The following ZBBX variants were observed in gnomAD, a reference collection of about 807,000 sequenced individuals.
The protein encoded by ZBBX is zinc finger B-box domain-containing protein 1.
ZBBX carries 101 observed loss-of-function variants against 108.5 expected under a neutral mutation model. The observed-to-expected ratio is 0.93, with a 90% CI of 0.79 to 1.10. ZBBX has a LOEUF of 1.10. ZBBX is among the 50% of genes least tolerant of loss of function. ZBBX has a pLI of 0.00. For synonymous variants in ZBBX, 356 were observed against 323.4 expected, an observed-to-expected ratio of 1.10 and a Z score of -1.08; for missense variants, 1,009 against 941.4, an observed-to-expected ratio of 1.07 and a Z score of -0.94.
upstream of ZBBX, among the ~76,000 whole-genome samples, chr3:167,383,841 C>A (rs988551113): frequency 3.3e-5 from 5 of 152,020 alleles, no homozygotes; most frequent in African/African-American, 1.2e-4. Flanking sequence ...CCGTCTCTGT[C>A]CTTGAGTAAT....
chr3:167,282,514 A>T lies in ZBBX; in HGVS notation c.1997-19T>A. 6.3e-7 allele frequency: 1 copy of T among 1,585,186 alleles called. No homozygotes were observed. The highest frequency in any genetic ancestry group is 2.2e-5 in the East Asian group (1 of 44,668). On this transcript the variant is annotated intron_variant, in intron 19 of 21. Coordinates refer to ENST00000675490, the MANE Select transcript of ZBBX (RefSeq NM_001199201.2). Reference sequence around the variant, plus strand: ...TTCTGACCTAAAATTAAAAGTAAAAAGTTTTTAAATCAACTTTTAAAAATT... The same window carrying T: ...TTCTGACCTAAAATTAAAAGTAAAATGTTTTTAAATCAACTTTTAAAAATT...
At chr3:167,351,124 C>G (rs1204607748) in intron 8 of ZBBX, among the ~76,000 whole-genome samples, 1 of 151,496 alleles carries the variant, frequency 6.6e-6, no homozygotes, top group Non-Finnish European at 1.5e-5. Flanking sequence ...CTAGATGGAA[C>G]TACATTACCA....
chr3:167,350,579 T>C lies in ZBBX; in HGVS notation c.433-64A>G, dbSNP rs138375349. The C allele has an allele frequency of 7.6e-4, 911 of 1,194,880 alleles. 7 individuals are homozygous for C. The African/African-American group carries it at 0.01, about 13-fold the overall frequency. 74.0% of individuals were successfully genotyped at this position (1,194,880 alleles called of 1,614,324 possible). ...AAATAGTATGATTTTTAGAAAGTGT[T>C]TGCATAAAGATGTCTTGTTTTTTAA... On this transcript the variant is annotated intron_variant, in intron 8 of 21. Transcript: ENST00000675490.
chr3:167,402,195 G>A (rs534659164), intron 1 of ZBBX, among the ~76,000 whole-genome samples: 1 of 152,284 alleles, frequency 6.6e-6, no homozygotes, highest in South Asian at 2.1e-4. Context: ...TGAAATTGAA[G>A]TAAGAACTGA....
At chr3:167,398,539 C>T (rs1181929293) in intron 1 of ZBBX, among the ~76,000 whole-genome samples, 5 of 151,710 alleles carry the variant, frequency 3.3e-5, no homozygotes, top group Non-Finnish European at 7.4e-5. Context: ...TTTTCTATAC[C>T]TAGTGAATTT....
chr3:167,323,244 G>T (rs1045056730), intron 11 of ZBBX, among the ~76,000 whole-genome samples: 11 of 142,540 alleles, frequency 7.7e-5, no homozygotes, highest in South Asian at 2.2e-4. Flanking sequence ...AAAGAGGGGG[G>T]GGGGGGAAAG....
At chr3:167,191,854 T>C in the ZBBX span, among the ~76,000 whole-genome samples, 1 of 143,626 alleles carries the variant, frequency 7.0e-6, no homozygotes. Context: ...TTCATTTTAG[T>C]GAATGTTTTT....
At chr3:167,373,047 C>G (rs1746393043) in intron 3 of ZBBX, 97 bp from the exon 4 acceptor site, 1 of 554,552 alleles carries the variant, frequency 1.8e-6, no homozygotes, top group East Asian at 3.1e-5. Flanking sequence ...TTTTTAAAAC[C>G]TTATGAGCAA....
chr3:167,371,163 C>G (rs1183938247), intron 4 of ZBBX, among the ~76,000 whole-genome samples: 1 of 152,144 alleles, frequency 6.6e-6, no homozygotes, highest in African/African-American at 2.4e-5. Context: ...ACGTACAGGC[C>G]AGGGAATAGT....
rs539270793 is a variant in ZBBX, at chr3:167,274,105, A to G, written c.2254+8133T>C. Among the ~76,000 whole-genome samples, 29 of 152,328 alleles carry G rather than the reference A, an allele frequency of 1.9e-4. No individual in the cohort carries two copies. In the South Asian group the frequency reaches 6.0e-3, roughly 32 times the overall value. Reference sequence around the variant, plus strand: ...GAGTTTGTATTATGATCAAAACCCAATGTTGTACCTTTATCCCAAACAATA... The same window carrying G: ...GAGTTTGTATTATGATCAAAACCCAGTGTTGTACCTTTATCCCAAACAATA... On this transcript the variant is annotated intron_variant, in intron 20 of 21. Transcript: ENST00000675490.
upstream of ZBBX, among the ~76,000 whole-genome samples, chr3:167,383,202 C>A (rs1040497658): frequency 6.6e-6 from 1 of 152,064 alleles, no homozygotes; most frequent in African/African-American, 2.4e-5. Context: ...CTCTTTGGCC[C>A]TTCAGATTCT....
intron 19 of ZBBX, among the ~76,000 whole-genome samples, chr3:167,287,469 T>C (rs1034205867): frequency 5.9e-5 from 9 of 152,112 alleles, no homozygotes; most frequent in African/African-American, 1.9e-4. Flanking sequence ...ACAGCGACTT[T>C]TGAGAAAATT....
intron 1 of ZBBX, among the ~76,000 whole-genome samples, chr3:167,403,723 T>C (rs773012755): frequency 8.6e-5 from 13 of 152,034 alleles, no homozygotes; most frequent in Non-Finnish European, 7.4e-5. Context: ...TAATTCAGTA[T>C]AGAATATGGT....
At chr3:167,337,544 T>C (rs978153934) in intron 9 of ZBBX, among the ~76,000 whole-genome samples, 1 of 151,886 alleles carries the variant, frequency 6.6e-6, no homozygotes, top group Non-Finnish European at 1.5e-5. Flanking sequence ...ATCTAGGACA[T>C]TGTCACACTC....
At chr3:167,396,904 T>C (rs2108640385) in intron 1 of ZBBX, among the ~76,000 whole-genome samples, 1 of 151,856 alleles carries the variant, frequency 6.6e-6, no homozygotes, top group East Asian at 1.9e-4. Context: ...TGTTTTTCCT[T>C]TTCACAGGTC....
upstream of ZBBX, among the ~76,000 whole-genome samples, chr3:167,380,866 GCACACACACA>G (rs59349359): frequency 3.7e-4 from 53 of 141,440 alleles, 1 homozygote; most frequent in African/African-American, 1.1e-3. Flanking sequence ...GCAAATATAT[GCACACACACA>G]CACACACACA....
chr3:167,373,643 AAAGT>A (rs1746503795), intron 3 of ZBBX, 59 bp downstream of exon 3: 2 of 152,206 alleles, frequency 1.3e-5, no homozygotes, highest in African/African-American at 4.8e-5. Context: ...ATTCTTTTAA[AAAGT>A]AAGCTAGATA....
chr3:167,279,521 C>T (rs1187289028), intron 20 of ZBBX, among the ~76,000 whole-genome samples: 1 of 149,204 alleles, frequency 6.7e-6, no homozygotes, highest in Non-Finnish European at 1.5e-5. Context: ...AATAAAATAC[C>T]TAGGAATCAA....
At chr3:167,257,523 G>A (rs1450998356) in intron 20 of ZBBX, among the ~76,000 whole-genome samples, 1 of 152,072 alleles carries the variant, frequency 6.6e-6, no homozygotes, top group Admixed American at 6.6e-5. Flanking sequence ...CTAGCTGTGG[G>A]TCTATCATAG....
Sources: gnomAD v4.1 joint callset for allele counts (sites outside exome capture counted in the v4.1 genomes callset) on GRCh38, gnomAD v4.1.1 for gene constraint, MANE v1.5 for transcripts, NCBI Gene and HGNC (gene_info 2026-07-23, HGNC 2026-07-21) for gene names.